The following ADAMTS9 variants were observed in gnomAD, a reference collection of about 807,000 sequenced individuals.
ADAMTS9 encodes the protein A disintegrin and metalloproteinase with thrombospondin motifs 9.
ADAMTS9 carries 107 observed loss-of-function variants against 257.1 expected under a neutral mutation model. That is an observed-to-expected ratio of 0.42 (90% confidence interval 0.36 to 0.49). The LOEUF is 0.49. ADAMTS9 is among the 20% of genes least tolerant of loss of function. The probability of loss-of-function intolerance (pLI) is 0.03; values close to 1 mark genes in which losing one functional copy is unlikely to be tolerated. For missense variants in ADAMTS9, 2,353 were observed against 2,469.1 expected (o/e 0.95, Z 1.00); for synonymous variants, 982 against 880.9 (o/e 1.11, Z -2.03).
intron 30 of ADAMTS9, among the ~76,000 whole-genome samples, chr3:64,556,104 A>G (rs2083329215): frequency 6.6e-6 from 1 of 152,160 alleles, no homozygotes; most frequent in African/African-American, 2.4e-5. Context: ...AAGGAGATGC[A>G]CTTGGAAATC....
intron 3 of ADAMTS9, among the ~76,000 whole-genome samples, chr3:64,669,842 C>A (rs575402203): frequency 6.6e-6 from 1 of 152,132 alleles, no homozygotes; most frequent in Non-Finnish European, 1.5e-5. Flanking sequence ...AATTTTATTT[C>A]GGACCTGCTA....
chr3:64,565,330 T>G (rs2083515195), intron 29 of ADAMTS9: 2 of 152,358 alleles, frequency 1.3e-5, no homozygotes, highest in South Asian at 4.1e-4. Flanking sequence ...GCACTGGAGA[T>G]CTTTTAAAAA....
intron 16 of ADAMTS9, among the ~76,000 whole-genome samples, chr3:64,623,843 CTCAGTAAATATGTA>C (rs1700164987): frequency 6.6e-6 from 1 of 152,084 alleles, no homozygotes; most frequent in Non-Finnish European, 1.5e-5. Context: ...ATGGCAGGTG[CTCAGTAAATATGTA>C]TCTTCGGGGA....
In ADAMTS9 at chr3:64,522,251, G is replaced by A. The variant is rs1453174456; in HGVS notation, c.5728C>T (p.Arg1910Ter). Residue 1910 changes from arginine to a stop codon, truncating the protein, a stop_gained, in exon 39 of 40, where the codon CGA (arginine) becomes TGA (stop). Transcript: ENST00000498707. LOFTEE classifies it high-confidence loss of function. ...TAACCACCGCATTTCCCTACGACTC[G>A]GGTACCATCCTGCAAGGAGATGCAT... ...SDIKKSPDGT[R>*]VVGKCGGYCG... 1.2e-5 allele frequency: 19 copies of A among 1,613,804 alleles called. No individual in the cohort carries two copies. In the Admixed American group the frequency reaches 1.8e-4, roughly 16 times the overall value.
chr3:64,621,448 T>C (rs1045297492), intron 18 of ADAMTS9, among the ~76,000 whole-genome samples: 5 of 152,088 alleles, frequency 3.3e-5, no homozygotes, highest in African/African-American at 1.2e-4. Context: ...CATGACTGTG[T>C]TCCAATAAAA....
intron 4 of ADAMTS9, among the ~76,000 whole-genome samples, chr3:64,658,096 T>TA (rs1701126835): frequency 6.6e-6 from 1 of 152,034 alleles, no homozygotes; most frequent in Non-Finnish European, 1.5e-5. Flanking sequence ...CAAAAAGCAT[T>TA]GGTTTTCGGA....
chr3:64,619,730 C>T (rs1700058987), intron 19 of ADAMTS9, among the ~76,000 whole-genome samples: 1 of 152,044 alleles, frequency 6.6e-6, no homozygotes. Flanking sequence ...ATAACCATTA[C>T]AGAGTACTGG....
At chr3:64,634,899 C>T (rs143938840) in intron 12 of ADAMTS9, among the ~76,000 whole-genome samples, 10 of 152,228 alleles carry the variant, frequency 6.6e-5, no homozygotes, top group Non-Finnish European at 1.0e-4. Flanking sequence ...TCCCTGCTCA[C>T]GAAATATAGA....
chr3:64,549,619 C>T (rs550302947), intron 31 of ADAMTS9, among the ~76,000 whole-genome samples: 4 of 152,176 alleles, frequency 2.6e-5, no homozygotes, highest in East Asian at 3.9e-4. Context: ...GGGTTGGGGT[C>T]GAGCAGGGTT....
chr3:64,668,942 GT>G (rs1386085000), intron 3 of ADAMTS9, among the ~76,000 whole-genome samples: 1 of 152,148 alleles, frequency 6.6e-6, no homozygotes, highest in East Asian at 1.9e-4. Context: ...AGGTCTCCTA[GT>G]TTACAGGCAC....
chr3:64,682,323 A>C (rs1701779012), intron 2 of ADAMTS9, among the ~76,000 whole-genome samples: 1 of 152,246 alleles, frequency 6.6e-6, no homozygotes, highest in South Asian at 2.1e-4. Context: ...GCAAAGGCTT[A>C]GAACTCGTGA....
chr3:64,593,958 ATGATGTGTGTGTGTGTGTG>A (rs1437691562), intron 28 of ADAMTS9, among the ~76,000 whole-genome samples: 4 of 125,194 alleles, frequency 3.2e-5, no homozygotes, highest in African/African-American at 9.1e-5. Flanking sequence ...GTGTGTGTGT[ATGATGTGTGTGTGTGTGTG>A]TGTGTGTGTG....
intron 16 of ADAMTS9, among the ~76,000 whole-genome samples, chr3:64,623,305 G>A (rs1700151286): frequency 6.6e-6 from 1 of 152,158 alleles, no homozygotes; most frequent in Non-Finnish European, 1.5e-5. Flanking sequence ...TGGACCTCTG[G>A]TTCTGGAAGA....
intron 19 of ADAMTS9, among the ~76,000 whole-genome samples, 158 bp from the exon 20 acceptor site, chr3:64,616,328 A>C (rs2084764673): frequency 6.6e-6 from 1 of 152,234 alleles, no homozygotes; most frequent in Non-Finnish European, 1.5e-5. Context: ...ATCTAATTTT[A>C]AACCAACATA....
Position 64,544,970 on chromosome 3 carries a change from C to G in ADAMTS9, c.5064+1788G>C, listed in dbSNP as rs375372023. On this transcript the variant is annotated intron_variant, in intron 32 of 39. Coordinates refer to ENST00000498707, the MANE Select transcript of ADAMTS9 (RefSeq NM_182920.2). ...GCGATGGATATGAACAGACACTTCTCAAAAGAAGACATTTATGCAGCCAAA... is the reference window on the plus strand; with the variant it reads ...GCGATGGATATGAACAGACACTTCTGAAAAGAAGACATTTATGCAGCCAAA... Among the ~76,000 whole-genome samples, 9 of 149,380 alleles carry G rather than the reference C, an allele frequency of 6.0e-5. No individual in the cohort carries two copies. In the East Asian group the frequency reaches 1.2e-3, roughly 20 times the overall value.
Position 64,687,423 on chromosome 3 carries a change from G to A in ADAMTS9, c.115+120C>T. 2.4e-6 allele frequency: 2 copies of A among 832,772 alleles called. No homozygotes were observed. The highest frequency in any genetic ancestry group is 1.8e-6 in the Non-Finnish European group (1 of 555,288). 51.6% of individuals were successfully genotyped at this position (832,772 alleles called of 1,614,324 possible). A position where few individuals can be genotyped will look rare whatever the true frequency, so the allele number is the denominator to read the frequency against. On this transcript the variant is annotated intron_variant, in intron 1 of 39. Coordinates refer to ENST00000498707, the MANE Select transcript of ADAMTS9 (RefSeq NM_182920.2). The surrounding 1 kb of genome is among the most constrained non-coding windows in gnomAD (Gnocchi z 4.4). ...CAAAGAAGGGAGAGGCTGCAAAGCG[G>A]GAGATAATTCTTTCTAGGAAAAGGA...
chr3:64,621,845 G>C (rs949451255), intron 18 of ADAMTS9, among the ~76,000 whole-genome samples: 2 of 151,426 alleles, frequency 1.3e-5, no homozygotes, highest in African/African-American at 4.9e-5. Context: ...GATTTGGCCT[G>C]CTGGCTGTGG....
chr3:64,551,842 GT>G (rs1264970127), intron 30 of ADAMTS9, among the ~76,000 whole-genome samples: 1 of 152,212 alleles, frequency 6.6e-6, no homozygotes, highest in African/African-American at 2.4e-5. Flanking sequence ...ATAAAGGAAA[GT>G]TTCAGCTCTC....
chr3:64,664,887 C>A (rs896076808), intron 3 of ADAMTS9, among the ~76,000 whole-genome samples: 2 of 152,182 alleles, frequency 1.3e-5, no homozygotes, highest in African/African-American at 4.8e-5. Flanking sequence ...CTTGCTTCTT[C>A]TTGAAGTTCA....
Sources: allele counts gnomAD v4.1 joint callset (sites outside exome capture counted in the v4.1 genomes callset), GRCh38; gene constraint gnomAD v4.1.1; non-coding constraint Gnocchi (gnomAD v3.1); transcripts MANE v1.5; gene names NCBI Gene and HGNC (gene_info 2026-07-23, HGNC 2026-07-21).